LAMC3: variants seen among roughly 807,000 people sequenced by gnomAD.
The protein encoded by LAMC3 is laminin subunit gamma 3.
LAMC3 carries 128 observed loss-of-function variants against 173.8 expected under a neutral mutation model. The ratio of observed to expected loss-of-function variants is 0.74; its 90% CI spans 0.64 to 0.85. LAMC3 has a LOEUF of 0.85. LAMC3 is among the 40% of genes least tolerant of loss of function. The pLI is 0.00. For missense variants in LAMC3, 2,022 were observed against 2,156.0 expected, an observed-to-expected ratio of 0.94 and a Z score of 1.23; for synonymous variants, 897 against 909.1, an observed-to-expected ratio of 0.99 and a Z score of 0.24.
At chr9:131,083,709 C>T (rs1830280881) in intron 24 of LAMC3, among the ~76,000 whole-genome samples, 1 of 152,062 alleles carries the variant, frequency 6.6e-6, no homozygotes, top group African/African-American at 2.4e-5. Context: ...AATTAGGGCT[C>T]CACACAATAC....
intron 1 of LAMC3, among the ~76,000 whole-genome samples, chr9:131,018,709 CT>C (rs1004961727): frequency 1.3e-5 from 2 of 152,182 alleles, no homozygotes; most frequent in Non-Finnish European, 2.9e-5. Context: ...CCATGCACCC[CT>C]GCTCATCCCA....
At chr9:131,037,403 C>A (rs950844711) in intron 4 of LAMC3, among the ~76,000 whole-genome samples, 1 of 152,188 alleles carries the variant, frequency 6.6e-6, no homozygotes, top group South Asian at 2.1e-4. Flanking sequence ...TAACTTCTGT[C>A]CATTGCAGCC....
intron 6 of LAMC3, among the ~76,000 whole-genome samples, chr9:131,039,523 G>A (rs965628291): frequency 1.3e-5 from 2 of 152,076 alleles, no homozygotes; most frequent in Admixed American, 1.3e-4. Flanking sequence ...GCAGGGAGAG[G>A]GGAAGGACAG....
At chr9:131,051,911 C>G (rs564768256) in intron 9 of LAMC3, among the ~76,000 whole-genome samples, 15 of 152,260 alleles carry the variant, frequency 9.9e-5, no homozygotes, top group African/African-American at 3.4e-4. Context: ...AGTGAAATGA[C>G]ATGAGTCAGA....
In LAMC3 at chr9:131,026,340, G is replaced by C. The variant is rs184685154; in HGVS notation, c.429G>C (p.Glu143Asp). 6.2e-7 allele frequency: 1 copy of C among 1,614,176 alleles called. No homozygotes were observed. Among genetic ancestry groups the C allele is most frequent in the East Asian group, 2.2e-5 (1 of 44,886 alleles). Residue 143 changes from glutamate (E) to aspartate (D), a missense_variant, in exon 2 of 28, where the codon GAG becomes GAC. Transcript: ENST00000361069. The surrounding 1 kb of genome is among the most constrained non-coding windows in gnomAD (Gnocchi z 4.8). Reference protein sequence around the residue: ...VRLKFHTSRPESFAIYKRSRA... With the variant: ...VRLKFHTSRPDSFAIYKRSRA... ...TGAAGTTCCACACCAGTCGCCCTGA[G>C]AGCTTTGCCATCTACAAGCGCAGCC...
intron 2 of LAMC3, among the ~76,000 whole-genome samples, chr9:131,030,883 G>T (rs966718195): frequency 6.6e-6 from 1 of 152,220 alleles, no homozygotes; most frequent in Non-Finnish European, 1.5e-5. Flanking sequence ...CAGCTCCACC[G>T]CTGACCCCTG....
At position 131,056,936 on chromosome 9, in the gene LAMC3, G is replaced by A. The variant is rs1564379173; in HGVS notation, c.1947G>A (p.Val649=). The A allele has an allele frequency of 6.2e-7, 1 of 1,612,442 alleles. No homozygotes were observed. Among genetic ancestry groups the A allele is most frequent in the East Asian group, 2.2e-5 (1 of 44,888 alleles). Reference sequence around the variant, plus strand: ...TCCCTTCTCGCTCTGCAGGTCCAGTGTTCCTGACTGAGGTCCGGCTCACAT... The same window carrying A: ...TCCCTTCTCGCTCTGCAGGTCCAGTATTCCTGACTGAGGTCCGGCTCACAT... ...VSPGPSPAGP[V]FLTEVRLTSA... The change falls in exon 12 of 28, where the codon GTG becomes GTA. Residue 649 remains valine (V), a synonymous_variant. Transcript: ENST00000361069.
intron 8 of LAMC3, among the ~76,000 whole-genome samples, chr9:131,046,617 G>A (rs1404145973): frequency 1.5e-5 from 2 of 133,640 alleles, no homozygotes; most frequent in Non-Finnish European, 3.0e-5. Flanking sequence ...CGCCCACCTC[G>A]GCTTCCCAAA....
chr9:131,068,677 C>T (rs1169369381), intron 15 of LAMC3, among the ~76,000 whole-genome samples: 2 of 152,160 alleles, frequency 1.3e-5, no homozygotes, highest in African/African-American at 2.4e-5. Context: ...ATAGTCTCCC[C>T]GAGACACGTT....
intron 2 of LAMC3, among the ~76,000 whole-genome samples, chr9:131,028,009 G>A (rs537270076): frequency 8.5e-5 from 13 of 152,316 alleles, no homozygotes; most frequent in South Asian, 2.1e-4. Context: ...CCCAACCCCC[G>A]GCTGCAGACC....
Position 131,069,679 on chromosome 9 carries a change from G to A in LAMC3, c.2898G>A (p.Arg966=). The A allele has an allele frequency of 6.4e-7, 1 of 1,568,586 alleles. No individual in the cohort carries two copies. The highest frequency in any genetic ancestry group is 1.1e-5 in the South Asian group (1 of 87,156). The change falls in exon 17 of 28, where the codon AGG becomes AGA. Residue 966 remains arginine, a synonymous_variant. Coordinates refer to ENST00000361069, the MANE Select transcript of LAMC3 (RefSeq NM_006059.4). The stretch of plus-strand genomic sequence containing the variant: ...TGCCCCTGGCCCCTCTAGCCTGCAG[G>A]TGCTCCCCACTGGGCGCTGCCTCGG... ...GFSIKGCRAC[R]CSPLGAASAQ... is the part of the protein sequence containing the mutation.
intron 6 of LAMC3, 76 bp from the exon 7 acceptor site, chr9:131,041,561 T>A (rs1213084038): frequency 7.7e-6 from 10 of 1,301,370 alleles, no homozygotes; most frequent in Non-Finnish European, 1.1e-5. Context: ...CAGGGAAAGC[T>A]CCCTTCCTAG....
chr9:131,057,399 A>AG (rs1829703619), intron 12 of LAMC3, among the ~76,000 whole-genome samples: 1 of 152,200 alleles, frequency 6.6e-6, no homozygotes, highest in East Asian at 1.9e-4. Flanking sequence ...TGATAACCAT[A>AG]AGCCAGCTGC....
chr9:131,077,374 G>A, intron 22 of LAMC3, 40 bp downstream of exon 22: 1 of 1,610,510 alleles, frequency 6.2e-7, no homozygotes, highest in Non-Finnish European at 8.5e-7. Flanking sequence ...GGGGTCGGGA[G>A]GATCTATTAT....
rs1830447323 is a variant in LAMC3, at chr9:131,092,788, A to C, written c.*1001A>C. ...ATGCGGGAGGCCACCAGGGTGTGCA[A>C]GCCTGGCTGCCATTCCAGTCTGTCC... On this transcript the variant is annotated 3_prime_UTR_variant, in exon 28 of 28. Transcript: ENST00000361069. 6.6e-6 allele frequency: 1 copy of C among 152,280 alleles called. No individual in the cohort carries two copies. Among genetic ancestry groups the C allele is most frequent in the Non-Finnish European group, 1.5e-5 (1 of 68,124 alleles). 9.4% of individuals were successfully genotyped at this position (152,280 alleles called of 1,614,324 possible). A position where few individuals can be genotyped will look rare whatever the true frequency, so the allele number is the denominator to read the frequency against.
chr9:131,026,150 C>A lies in LAMC3; in HGVS notation c.374-135C>A. 6.6e-7 allele frequency: 1 copy of A among 1,525,546 alleles called. No homozygotes were observed. Among genetic ancestry groups the A allele is most frequent in the Non-Finnish European group, 8.8e-7 (1 of 1,131,442 alleles). The allele number at this position is 1,525,546 out of a possible 1,614,324, so 94.5% of individuals were successfully genotyped here. A position where few individuals can be genotyped will look rare whatever the true frequency, so the allele number is the denominator to read the frequency against. On this transcript the variant is annotated intron_variant, in intron 1 of 27. Coordinates refer to ENST00000361069, the MANE Select transcript of LAMC3 (RefSeq NM_006059.4). This position sits in a 1 kb window ranked among gnomAD's most constrained non-coding sequence, Gnocchi z 4.8. ...GCATCATGAATGGAGGGTGGCTTCC[C>A]CTGTCCAGAGCTCCAGACAGCTTCC...
intron 17 of LAMC3, 69 bp from the exon 18 acceptor site, chr9:131,071,415 C>T (rs552531228): frequency 3.2e-6 from 5 of 1,575,420 alleles, no homozygotes; most frequent in East Asian, 2.2e-5. Flanking sequence ...GGGTAGAAGC[C>T]AGCGGGAGTG....
At chr9:131,028,156 G>A (rs928604093) in intron 2 of LAMC3, among the ~76,000 whole-genome samples, 2 of 152,182 alleles carry the variant, frequency 1.3e-5, no homozygotes, top group Admixed American at 6.5e-5. Context: ...ATCAGCTGCG[G>A]CATCAGATTC....
chr9:131,076,853 C>T (rs560531570), intron 21 of LAMC3, among the ~76,000 whole-genome samples: 4 of 152,306 alleles, frequency 2.6e-5, no homozygotes, highest in African/African-American at 4.8e-5. Context: ...CCCACTTCAC[C>T]GGGCATTTTC....
Sources: allele counts gnomAD v4.1 joint callset (sites outside exome capture counted in the v4.1 genomes callset), GRCh38; gene constraint gnomAD v4.1.1; non-coding constraint Gnocchi (gnomAD v3.1); transcripts MANE v1.5; gene names NCBI Gene and HGNC (gene_info 2026-07-23, HGNC 2026-07-21).